Variants in KALRN observed in about 807,000 individuals in gnomAD.
KALRN encodes the protein kalirin.
KALRN carries 70 observed loss-of-function variants against 353.7 expected under a neutral mutation model. That is an observed-to-expected ratio of 0.20 (90% CI 0.16 to 0.24). The LOEUF (loss-of-function observed/expected upper bound fraction) is 0.24, where lower values mean the gene tolerates loss of function less well. Among genes scored for constraint, KALRN ranks in the 10% least tolerant of loss-of-function variants. KALRN has a pLI of 1.00. For synonymous variants in KALRN, 1,391 were observed against 1,434.8 expected, an observed-to-expected ratio of 0.97 and a Z score of 0.69; for missense variants, 2,791 against 3,756.7, an observed-to-expected ratio of 0.74 and a Z score of 6.72.
chr3:124,266,109 C>T (rs2073508287), intron 4 of KALRN, among the ~76,000 whole-genome samples: 1 of 151,804 alleles, frequency 6.6e-6, no homozygotes, highest in African/African-American at 2.4e-5. Flanking sequence ...AGCGAAACTC[C>T]TCAAAAAACA....
In KALRN at chr3:124,090,960, T is replaced by C. The variant is rs180955047; in HGVS notation, c.73+57147T>C. Among the ~76,000 whole-genome samples the C allele has an allele frequency of 1.6e-3, 240 of 152,322 alleles. 1 individual carries two copies. Among genetic ancestry groups the C allele is most frequent in the Admixed American group, 5.2e-3 (80 of 15,310 alleles). On this transcript the variant is annotated intron_variant, in intron 1 of 59. Coordinates refer to ENST00000682506, the MANE Select transcript of KALRN (RefSeq NM_001388419.1). ...CAGTGTCTAGATGATACTTACTTGC[T>C]GTAGATACTGTCCTCAGGTGTGGAC... is the stretch of plus-strand genomic sequence containing the variant.
At chr3:124,294,741 C>G (rs989031085) in intron 5 of KALRN, among the ~76,000 whole-genome samples, 1 of 151,852 alleles carries the variant, frequency 6.6e-6, no homozygotes, top group Non-Finnish European at 1.5e-5. Flanking sequence ...TTATTTTATT[C>G]AAAAAGATAG....
At chr3:124,437,544 G>A (rs1488808874) in intron 17 of KALRN, among the ~76,000 whole-genome samples, 1 of 151,996 alleles carries the variant, frequency 6.6e-6, no homozygotes, top group East Asian at 1.9e-4. Flanking sequence ...ACAAAAATTA[G>A]CTGGATGTGG....
At position 124,401,434 on chromosome 3, in the gene KALRN, G is replaced by A. The variant is rs994914110; in HGVS notation, c.2346+2563G>A. 2.0e-5 allele frequency among the ~76,000 whole-genome samples: 3 copies of A among 152,358 alleles called. No homozygotes were observed. In the South Asian group the frequency reaches 6.2e-4, roughly 32 times the overall value. On this transcript the variant is annotated intron_variant, in intron 13 of 59. Transcript: ENST00000682506. Reference sequence around the variant, plus strand: ...ATGGTAGGATCACTTGAGCCCAGGAGGCGGAGGTTGCAGTGAGCTGTGATC... The same window carrying A: ...ATGGTAGGATCACTTGAGCCCAGGAAGCGGAGGTTGCAGTGAGCTGTGATC...
At position 124,646,391 on chromosome 3, in the gene KALRN, C is replaced by CTTTTTTTTTTTTTTTTTTTTTTTTT. The variant is rs10673161; in HGVS notation, c.5665-4400_5665-4399insTTTTTTTTTTTTTTTTTTTTTTTTT. Among the ~76,000 whole-genome samples the CTTTTTTTTTTTTTTTTTTTTTTTTT allele has an allele frequency of 7.2e-4, 80 of 110,404 alleles. 11 individuals carry two copies. Among genetic ancestry groups the CTTTTTTTTTTTTTTTTTTTTTTTTT allele is most frequent in the East Asian group, 1.4e-3 (4 of 2,870 alleles). 72.4% of individuals were successfully genotyped at this position (110,404 alleles called of 152,430 possible). ...GACTGCTAGAGGGATCTTTTGTTTA[C>CTTTTTTTTTTTTTTTTTTTTTTTTT]TTTTTTTTTTTTTTTTTGAGACAGA... On this transcript the variant is annotated intron_variant, in intron 37 of 59. Transcript: ENST00000682506.
intron 13 of KALRN, among the ~76,000 whole-genome samples, chr3:124,410,512 A>T (rs2092057707): frequency 6.6e-6 from 1 of 152,258 alleles, no homozygotes; most frequent in Admixed American, 6.5e-5. Flanking sequence ...TAATTAACTC[A>T]GTATTTTAAA....
At chr3:124,633,238 T>C (rs13087350) in intron 35 of KALRN, among the ~76,000 whole-genome samples, 40,571 of 152,192 alleles carry the variant, frequency 0.27, 5,555 homozygotes, top group East Asian at 0.44. Flanking sequence ...AGTGATTAAA[T>C]GGGCCTTCAT....
chr3:124,287,486 C>CTTCTCCGCT (rs1292277052), intron 5 of KALRN, among the ~76,000 whole-genome samples: 2 of 151,590 alleles, frequency 1.3e-5, no homozygotes, highest in African/African-American at 4.8e-5. Context: ...TTGGCTTCTA[C>CTTCTCCGCT]TTCTCCGCTC....
chr3:124,194,173 A>T (rs1340432973), intron 1 of KALRN, among the ~76,000 whole-genome samples: 1 of 152,194 alleles, frequency 6.6e-6, no homozygotes, highest in Non-Finnish European at 1.5e-5. Context: ...TTTCCAAAAA[A>T]TTAGTTGCTA....
intron 37 of KALRN, among the ~76,000 whole-genome samples, chr3:124,638,574 C>A (rs1055020958): frequency 2.6e-5 from 4 of 152,164 alleles, no homozygotes; most frequent in Admixed American, 6.5e-5. Flanking sequence ...TTAAAGTCAT[C>A]CTTTTTCTTT....
chr3:124,289,353 T>G (rs1213329880), intron 5 of KALRN, among the ~76,000 whole-genome samples: 1 of 152,220 alleles, frequency 6.6e-6, no homozygotes, highest in Non-Finnish European at 1.5e-5. Context: ...GATTTAAGTC[T>G]GTATTGGGGA....
intron 33 of KALRN, among the ~76,000 whole-genome samples, chr3:124,530,810 T>C (rs1394370529): frequency 3.3e-5 from 5 of 152,142 alleles, no homozygotes; most frequent in Non-Finnish European, 5.9e-5. Context: ...TAACTTTATT[T>C]TTCCTGCCAC....
chr3:124,571,080 G>A (rs977125151), intron 34 of KALRN, among the ~76,000 whole-genome samples: 3 of 152,208 alleles, frequency 2.0e-5, no homozygotes, highest in South Asian at 4.1e-4. Context: ...TCCCCCGTCC[G>A]AGCCCCGAGT....
At chr3:124,584,256 GAAGGA>G (rs2074897576) in intron 34 of KALRN, among the ~76,000 whole-genome samples, 1 of 152,294 alleles carries the variant, frequency 6.6e-6, no homozygotes, top group African/African-American at 2.4e-5. Context: ...GCATTACACG[GAAGGA>G]AAGGAAAGGG....
At chr3:124,375,444 A>T (rs1402468782) in intron 10 of KALRN, among the ~76,000 whole-genome samples, 1 of 152,148 alleles carries the variant, frequency 6.6e-6, no homozygotes, top group East Asian at 1.9e-4. Flanking sequence ...TGGCTCCCCT[A>T]GGCCCAGCTT....
chr3:124,552,006 A>G (rs1354833012), intron 33 of KALRN, among the ~76,000 whole-genome samples: 1 of 152,206 alleles, frequency 6.6e-6, no homozygotes, highest in Non-Finnish European at 1.5e-5. Context: ...TTCCTCATCT[A>G]TAAAATTGGA....
At chr3:124,167,825 A>G (rs555812070) in intron 1 of KALRN, among the ~76,000 whole-genome samples, 6 of 152,298 alleles carry the variant, frequency 3.9e-5, no homozygotes, top group African/African-American at 1.4e-4. Flanking sequence ...TCTCAGTCAT[A>G]TTAGCTACAT....
intron 1 of KALRN, among the ~76,000 whole-genome samples, chr3:124,201,316 C>G (rs184371766): frequency 6.6e-6 from 1 of 152,190 alleles, no homozygotes; most frequent in African/African-American, 2.4e-5. Context: ...TGGGAAGTCC[C>G]GGCTGAACTT....
chr3:124,679,682 A>T lies in KALRN; in HGVS notation c.7377+165A>T, dbSNP rs765072531. On this transcript the variant is annotated intron_variant, in intron 51 of 59. Coordinates refer to ENST00000682506, the MANE Select transcript of KALRN (RefSeq NM_001388419.1). ...TATAAAAGAAACAAACAAAAACATA[A>T]TTCAGTTCAGTGTTGGTAGAAAACT... 64 of 739,708 alleles carry T rather than the reference A, an allele frequency of 8.7e-5. 1 individual carries two copies. Among genetic ancestry groups the T allele is most frequent in the Non-Finnish European group, 1.5e-4 (62 of 402,696 alleles). 45.8% of individuals were successfully genotyped at this position (739,708 alleles called of 1,614,324 possible).
Sources: allele counts gnomAD v4.1 joint callset (sites outside exome capture counted in the v4.1 genomes callset), GRCh38; gene constraint gnomAD v4.1.1; transcripts MANE v1.5; gene names NCBI Gene and HGNC (gene_info 2026-07-23, HGNC 2026-07-21).